EXOC4: variants seen among roughly 807,000 people sequenced by gnomAD.
EXOC4 encodes exocyst complex component 4.
EXOC4 carries 71 observed loss-of-function variants against 107.2 expected under a neutral mutation model. The observed-to-expected ratio is 0.66, with a 90% CI of 0.55 to 0.81. EXOC4 has a LOEUF of 0.81. EXOC4 is among the 30% of genes least tolerant of loss of function. The pLI, the probability that EXOC4 is intolerant of heterozygous loss-of-function variation, is 0.00. For synonymous variants in EXOC4, 456 were observed against 441.2 expected (o/e 1.03, Z -0.42); for missense variants, 1,108 against 1,189.6 (o/e 0.93, Z 1.01).
chr7:133,288,918 G>T lies in EXOC4; in HGVS notation c.277-4G>T, dbSNP rs773033474. Reference sequence around the variant, plus strand: ...GACCCAAGACCGAATCTGTTTTATTGTAGGTAAAAGAGAACCTGCTTTCAT... The same window carrying T: ...GACCCAAGACCGAATCTGTTTTATTTTAGGTAAAAGAGAACCTGCTTTCAT... On this transcript the variant is annotated splice_polypyrimidine_tract_variant and splice_region_variant and intron_variant, in intron 2 of 17. Coordinates refer to ENST00000253861, the MANE Select transcript of EXOC4 (RefSeq NM_021807.4). The T allele has an allele frequency of 4.3e-6, 7 of 1,613,644 alleles. No individual in the cohort carries two copies. Among genetic ancestry groups the T allele is most frequent in the Admixed American group, 1.7e-5 (1 of 60,004 alleles).
intron 10 of EXOC4, among the ~76,000 whole-genome samples, chr7:133,722,162 AG>A (rs1562924095): frequency 1.3e-5 from 2 of 152,256 alleles, no homozygotes. Flanking sequence ...CTTGCTAAAT[AG>A]GCTTTGCCCT....
intron 13 of EXOC4, among the ~76,000 whole-genome samples, chr7:133,918,974 A>T (rs1486982692): frequency 1.3e-5 from 2 of 152,234 alleles, no homozygotes; most frequent in African/African-American, 4.8e-5. Flanking sequence ...ACAAATCTTT[A>T]CTGCTCACAA....
intron 2 of EXOC4, among the ~76,000 whole-genome samples, chr7:133,276,556 T>G (rs2150526508): frequency 6.6e-6 from 1 of 152,254 alleles, no homozygotes; most frequent in South Asian, 2.1e-4. Context: ...TTTAATGTGA[T>G]ATTTTGCAGA....
intron 11 of EXOC4, among the ~76,000 whole-genome samples, chr7:133,830,491 A>G (rs979788987): frequency 6.6e-6 from 1 of 152,266 alleles, no homozygotes; most frequent in Non-Finnish European, 1.5e-5. Context: ...AATGAATAAA[A>G]TGAAAATTGC....
intron 10 of EXOC4, among the ~76,000 whole-genome samples, chr7:133,775,438 T>C (rs1796326420): frequency 6.6e-6 from 1 of 152,214 alleles, no homozygotes; most frequent in East Asian, 1.9e-4. Context: ...CGTGACCTTC[T>C]TAATCTGGGT....
At chr7:133,582,564 T>C (rs1369610815) in intron 9 of EXOC4, among the ~76,000 whole-genome samples, 1 of 152,072 alleles carries the variant, frequency 6.6e-6, no homozygotes, top group Non-Finnish European at 1.5e-5. Flanking sequence ...GTAGTCCTTA[T>C]GGGGTCACAA....
chr7:133,723,975 CTTA>C (rs1795161767), intron 10 of EXOC4, among the ~76,000 whole-genome samples: 1 of 151,966 alleles, frequency 6.6e-6, no homozygotes, highest in Non-Finnish European at 1.5e-5. Context: ...TCCATAATGA[CTTA>C]TTTAGAATTA....
intron 11 of EXOC4, among the ~76,000 whole-genome samples, chr7:133,855,313 C>T (rs2116294252): frequency 6.6e-6 from 1 of 151,006 alleles, no homozygotes; most frequent in South Asian, 2.1e-4. Flanking sequence ...AACCAGAAAA[C>T]GAACTTAGTT....
chr7:133,538,857 A>AAGAAAG (rs1554469399), intron 9 of EXOC4, among the ~76,000 whole-genome samples: 82 of 72,188 alleles, frequency 1.1e-3, no homozygotes, highest in Middle Eastern at 9.3e-3. Context: ...GAAAGAAAGA[A>AAGAAAG]AGAGAGAGAG....
chr7:133,546,984 A>G (rs561446296), intron 9 of EXOC4, among the ~76,000 whole-genome samples: 1 of 152,314 alleles, frequency 6.6e-6, no homozygotes, highest in South Asian at 2.1e-4. Context: ...ACCCACAAAA[A>G]TTCCTTATTT....
chr7:134,069,718 G>T (rs73448452), downstream of EXOC4, among the ~76,000 whole-genome samples: 1,620 of 152,074 alleles, frequency 0.011, 39 homozygotes, highest in African/African-American at 0.038. Flanking sequence ...CAAACCCCTG[G>T]GGCTCAGCCT....
chr7:134,067,762 C>T (rs1796207813), downstream of EXOC4, among the ~76,000 whole-genome samples: 1 of 151,684 alleles, frequency 6.6e-6, no homozygotes, highest in African/African-American at 2.4e-5. Flanking sequence ...GTCAGTATAC[C>T]TTCCAATTTA....
Position 133,604,706 on chromosome 7 carries a change from C to CTT in EXOC4, c.1418-25337_1418-25336dup, listed in dbSNP as rs1554477961. Among the ~76,000 whole-genome samples, 408 of 87,470 alleles carry CTT rather than the reference C, an allele frequency of 4.7e-3. 11 individuals are homozygous for CTT. The highest frequency in any genetic ancestry group is 5.8e-3 in the Non-Finnish European group (255 of 44,002). 57.4% of individuals were successfully genotyped at this position (87,470 alleles called of 152,430 possible). ...TTTTTCTTTCCTTCCTTCCTTCCTT[C>CTT]TTTCTTTTTTTTTTTTTTTTTTTTT... On this transcript the variant is annotated intron_variant, in intron 9 of 17. Transcript: ENST00000253861.
intron 11 of EXOC4, among the ~76,000 whole-genome samples, chr7:133,825,412 C>T (rs1797678450): frequency 6.6e-6 from 1 of 151,576 alleles, no homozygotes; most frequent in Non-Finnish European, 1.5e-5. Context: ...GGCAGTAGGC[C>T]CAGGATGGTC....
intron 10 of EXOC4, among the ~76,000 whole-genome samples, chr7:133,643,190 A>G (rs972602418): frequency 3.3e-5 from 5 of 152,170 alleles, no homozygotes; most frequent in Admixed American, 6.5e-5. Context: ...GGGACCCACA[A>G]TAGCCTGCAG....
intron 9 of EXOC4, among the ~76,000 whole-genome samples, chr7:133,593,671 G>C (rs1242295497): frequency 6.6e-6 from 1 of 152,108 alleles, no homozygotes; most frequent in South Asian, 2.1e-4. Context: ...ACATCAAAAG[G>C]CTTTCAAAGA....
intron 8 of EXOC4, among the ~76,000 whole-genome samples, chr7:133,475,724 A>C (rs780721420): frequency 6.6e-6 from 1 of 152,196 alleles, no homozygotes; most frequent in Non-Finnish European, 1.5e-5. Context: ...AGTTTTATTT[A>C]AAATTAAGAG....
chr7:133,357,053 G>T (rs1301537599), intron 6 of EXOC4, among the ~76,000 whole-genome samples: 1 of 152,192 alleles, frequency 6.6e-6, no homozygotes, highest in African/African-American at 2.4e-5. Flanking sequence ...TAATTCAGCT[G>T]TCTGTTTTTT....
At chr7:133,558,665 A>T (rs1024601682) in intron 9 of EXOC4, among the ~76,000 whole-genome samples, 22 of 151,946 alleles carry the variant, frequency 1.4e-4, no homozygotes, top group African/African-American at 5.3e-4. Context: ...TTCTTTTGTT[A>T]GTTTTTTTCC....
Sources: allele counts gnomAD v4.1 joint callset (sites outside exome capture counted in the v4.1 genomes callset), GRCh38; gene constraint gnomAD v4.1.1; transcripts MANE v1.5; gene names NCBI Gene and HGNC (gene_info 2026-07-23, HGNC 2026-07-21).